Variants in MYO19 observed in about 807,000 individuals in gnomAD.
The protein encoded by MYO19 is myosin XIX, also known as unconventional myosin-XIX.
A neutral mutation model predicts 129.2 loss-of-function variants in MYO19; 132 were observed. The ratio of observed to expected loss-of-function variants is 1.02; its 90% CI spans 0.89 to 1.18. The LOEUF is 1.18. MYO19 is among the 50% of genes most tolerant of loss of function. The probability of loss-of-function intolerance (pLI) is 0.00; values close to 1 mark genes in which losing one functional copy is unlikely to be tolerated. For missense variants in MYO19, 1,210 were observed against 1,216.7 expected, an observed-to-expected ratio of 0.99 and a Z score of 0.08; for synonymous variants, 531 against 477.2, an observed-to-expected ratio of 1.11 and a Z score of -1.47.
intron 6 of MYO19, among the ~76,000 whole-genome samples, chr17:36,517,422 G>A (rs764594798): frequency 6.6e-6 from 1 of 152,066 alleles, no homozygotes; most frequent in African/African-American, 2.4e-5. Context: ...ACCATGCCCA[G>A]CTAATTTTTG....
At position 36,513,467 on chromosome 17, in the gene MYO19, A is replaced by G. The variant is rs753700345; in HGVS notation, c.856T>C (p.Leu286=). Residue 286 remains leucine (L), a synonymous_variant, in exon 11 of 26, where the codon TTG becomes CTG. Coordinates refer to ENST00000614623, the MANE Select transcript of MYO19 (RefSeq NM_001163735.2). The part of the protein sequence containing the change: ...FEVTREAMLH[L]GIDTPTQNNI... ...TTCTGGGTAGGGGTGTCAATGCCCA[A>G]ATGGAGCATGGCCTCTCTGGTCACC... 1.3e-5 allele frequency: 21 copies of G among 1,613,814 alleles called. No homozygotes were observed. The highest frequency in any genetic ancestry group is 2.7e-5 in the African/African-American group (2 of 74,896).
intron 21 of MYO19, chr17:36,501,514 G>A (rs1455727095): frequency 3.1e-6 from 1 of 327,142 alleles, no homozygotes; most frequent in East Asian, 5.1e-5. Context: ...CCTTTGGGCA[G>A]GCTGGCAGAG....
rs572129213 is a variant in MYO19, at chr17:36,506,960, T to C, written c.1644+3A>G. ...GCCCCACAGGGCATGGCCCAGCCCG[T>C]ACCTTGTTCTTCTCCACCAGGCCTG... On this transcript the variant is annotated splice_donor_region_variant and intron_variant, in intron 17 of 25. Transcript: ENST00000614623. The C allele has an allele frequency of 5.7e-6, 9 of 1,590,026 alleles. No homozygotes were observed. In the Admixed American group the frequency reaches 1.5e-4, roughly 27 times the overall value.
At chr17:36,509,287 G>A (rs953915520) in intron 13 of MYO19, 152 bp from the exon 14 acceptor site, 27 of 671,000 alleles carry the variant, frequency 4.0e-5, no homozygotes, top group African/African-American at 2.3e-4. Flanking sequence ...TCTTGCTTCC[G>A]GCCTATCACG....
Position 36,501,077 on chromosome 17 carries a change from C to CA in MYO19, c.2238dup (p.Asp747Ter), listed in dbSNP as rs1364781554. 5 of 1,611,860 alleles carry CA rather than the reference C, an allele frequency of 3.1e-6. No homozygotes were observed. The highest frequency in any genetic ancestry group is 4.2e-6 in the Non-Finnish European group (5 of 1,178,354). On this transcript the variant is annotated frameshift_variant, in exon 22 of 26. Coordinates refer to ENST00000614623, the MANE Select transcript of MYO19 (RefSeq NM_001163735.2). LOFTEE classifies it high-confidence loss of function. Reference sequence around the variant, plus strand: ...TCCCCAAACCAGCTCACCATAGAGTCAGTCATGAACACCTTGGTCCTGCCA... The same window carrying CA: ...TCCCCAAACCAGCTCACCATAGAGTCAAGTCATGAACACCTTGGTCCTGCCA...
At chr17:36,529,034 C>G (rs1169238893) in intron 3 of MYO19, among the ~76,000 whole-genome samples, 1 of 152,134 alleles carries the variant, frequency 6.6e-6, no homozygotes, top group Admixed American at 6.5e-5. Flanking sequence ...TAAATTTAGG[C>G]TGGCTAATGA....
chr17:36,498,583 T>G (rs1237753467), intron 24 of MYO19, 24 bp from the exon 25 acceptor site: 2 of 1,585,880 alleles, frequency 1.3e-6, no homozygotes, highest in Admixed American at 3.5e-5. Context: ...TATCCCTTTA[T>G]AGCTTTAGAT....
At chr17:36,537,275 C>T (rs1473812170), upstream of MYO19, 3 of 1,613,988 alleles carry the variant, frequency 1.9e-6, no homozygotes, top group East Asian at 2.2e-5. Context: ...CTAGATTCCT[C>T]ACTGACTTTG....
Position 36,500,608 on chromosome 17 carries a change from C to G in MYO19, c.2377+222G>C, listed in dbSNP as rs58011290. ...CTTAGACAACGCTTAGCCTCCACTTCTTACAGAGCACCTTTGTTTGTGGAG... is the reference window on the plus strand; with the variant it reads ...CTTAGACAACGCTTAGCCTCCACTTGTTACAGAGCACCTTTGTTTGTGGAG... On this transcript the variant is annotated intron_variant, in intron 23 of 25. Coordinates refer to ENST00000614623, the MANE Select transcript of MYO19 (RefSeq NM_001163735.2). 1.6e-3 allele frequency: 951 copies of G among 606,618 alleles called. 12 individuals are homozygous for G. In the African/African-American group the frequency reaches 0.016, roughly 10 times the overall value. The allele number at this position is 606,618 out of a possible 1,614,324, so 37.6% of individuals were successfully genotyped here. A position where few individuals can be genotyped will look rare whatever the true frequency, so the allele number is the denominator to read the frequency against.
intron 1 of MYO19, among the ~76,000 whole-genome samples, chr17:36,542,921 G>T (rs2074204421): frequency 6.6e-6 from 1 of 151,608 alleles, no homozygotes; most frequent in Non-Finnish European, 1.5e-5. Flanking sequence ...TCTCCATGTT[G>T]CCCAGGCTCG....
chr17:36,513,065 A>G, intron 11 of MYO19: 1 of 1,252,478 alleles, frequency 8.0e-7, no homozygotes, highest in Non-Finnish European at 1.0e-6. Context: ...GACTGTTTAA[A>G]AAACTAAGTG....
In MYO19 at chr17:36,506,532, T is replaced by C. The variant is rs1163653836; in HGVS notation, c.1721A>G (p.Asn574Ser). 3 of 1,601,010 alleles carry C rather than the reference T, an allele frequency of 1.9e-6. No homozygotes were observed. The highest frequency in any genetic ancestry group is 2.7e-5 in the African/African-American group (2 of 73,974). Residue 574 changes from asparagine (N) to serine (S), a missense_variant, in exon 18 of 26, where the codon AAC becomes AGC. Physicochemically the swap from Asn to Ser is conservative, Grantham distance 46. Transcript: ENST00000614623. ...DPLLMGLFPT[N>S]PKEKTQEEPP... ...TTCCTCCTGGGTCTTCTCTTTGGGG[T>C]TAGTAGGAAACAGCCCCATGAGCAG...
rs1234504528 is a variant in MYO19 at position 36,516,015 on chromosome 17, A to G, written c.415-25T>C. On this transcript the variant is annotated intron_variant, in intron 6 of 25. Transcript: ENST00000614623. ...TCTGTGGCAGAAACAGCCCTGTGGG[A>G]GCTGTATCTATGCTCCCGCCCACTT... 4 of 1,595,640 alleles carry G rather than the reference A, an allele frequency of 2.5e-6. No homozygotes were observed. In the South Asian group the frequency reaches 3.3e-5, roughly 13 times the overall value.
intron 6 of MYO19, among the ~76,000 whole-genome samples, chr17:36,522,826 T>C (rs1258109221): frequency 6.6e-6 from 1 of 151,790 alleles, no homozygotes. Context: ...GCTAACACAG[T>C]GAAACCCGTC....
chr17:36,509,923 C>T (rs1033820933), intron 13 of MYO19: 1 of 152,208 alleles, frequency 6.6e-6, no homozygotes, highest in Non-Finnish European at 1.5e-5. Context: ...TAGCTTGAGG[C>T]AGTGGTAACT....
At chr17:36,509,292 A>G (rs17560870) in intron 13 of MYO19, 157 bp from the exon 14 acceptor site, 234,917 of 656,776 alleles carry the variant, frequency 0.36, 45,431 homozygotes, top group Non-Finnish European at 0.41. Flanking sequence ...CTTCCGGCCT[A>G]TCACGTCTTG....
At chr17:36,501,913 G>C (rs1375781947) in intron 21 of MYO19, 1 of 152,472 alleles carries the variant, frequency 6.6e-6, no homozygotes, top group East Asian at 1.9e-4. Context: ...TGCCAAAGGA[G>C]ACACCACAGA....
At chr17:36,531,133 G>A (rs565780541) in intron 3 of MYO19, among the ~76,000 whole-genome samples, 28 of 151,920 alleles carry the variant, frequency 1.8e-4, no homozygotes, top group African/African-American at 6.0e-4. Flanking sequence ...GGTGGCTCAC[G>A]CCTGTAGTCC....
At chr17:36,532,168 C>CT (rs993693256) in intron 3 of MYO19, among the ~76,000 whole-genome samples, 76 of 152,312 alleles carry the variant, frequency 5.0e-4, no homozygotes, top group African/African-American at 1.8e-3. Flanking sequence ...CTTTCTAGTT[C>CT]TTTAAGGCTT....
Sources: allele counts gnomAD v4.1 joint callset (sites outside exome capture counted in the v4.1 genomes callset), GRCh38; gene constraint gnomAD v4.1.1; transcripts MANE v1.5; gene names NCBI Gene and HGNC (gene_info 2026-07-23, HGNC 2026-07-21).